Variants in SEPTIN7 observed in about 807,000 individuals in gnomAD.
SEPTIN7 encodes septin 7, also known as septin-7.
In SEPTIN7, 10 loss-of-function variants were observed where a neutral mutation model predicts 63.3. That is an observed-to-expected ratio of 0.16 (90% CI 0.10 to 0.27). The LOEUF (loss-of-function observed/expected upper bound fraction) is 0.27, where lower values mean the gene tolerates loss of function less well. Among genes scored for constraint, SEPTIN7 ranks in the 10% least tolerant of loss-of-function variants. The pLI, the probability that SEPTIN7 is intolerant of heterozygous loss-of-function variation, is 1.00. For missense variants in SEPTIN7, 310 were observed against 521.0 expected (o/e 0.59, Z 3.94); for synonymous variants, 131 against 165.3 (o/e 0.79, Z 1.59).
intron 3 of SEPTIN7, among the ~76,000 whole-genome samples, chr7:35,861,753 T>G (rs2116139751): frequency 6.6e-6 from 1 of 152,292 alleles, no homozygotes; most frequent in African/African-American, 2.4e-5. Flanking sequence ...GAATCAGTTC[T>G]TCTGGCAGAC....
chr7:35,801,367 C>T, intron 1 of SEPTIN7, 97 bp downstream of exon 1: 2 of 1,407,876 alleles, frequency 1.4e-6, no homozygotes, highest in Non-Finnish European at 1.9e-6. Context: ...CGCCCTGAGG[C>T]GAGGCGGAGG....
chr7:35,887,242 T>A (rs1443467542), intron 10 of SEPTIN7, among the ~76,000 whole-genome samples: 1 of 152,254 alleles, frequency 6.6e-6, no homozygotes, highest in African/African-American at 2.4e-5. Context: ...ACTTGCCTAG[T>A]GCTTGACACA....
At chr7:35,803,120 G>A (rs1291539332) in intron 1 of SEPTIN7, 10 of 948,160 alleles carry the variant, frequency 1.1e-5, no homozygotes, top group Non-Finnish European at 1.3e-5. Context: ...TAAAAAGAAA[G>A]GATATTGTCT....
intron 3 of SEPTIN7, among the ~76,000 whole-genome samples, chr7:35,849,363 A>G (rs1293338414): frequency 1.3e-5 from 2 of 152,074 alleles, no homozygotes; most frequent in Admixed American, 1.3e-4. Flanking sequence ...CAGGCATTAT[A>G]TTCTTATAAG....
At position 35,873,792 on chromosome 7, in the gene SEPTIN7, T is replaced by A. The variant is rs771019996; in HGVS notation, c.512+17T>A. 1.9e-6 allele frequency: 3 copies of A among 1,604,680 alleles called. No individual in the cohort carries two copies. In the Admixed American group the frequency reaches 5.1e-5, roughly 27 times the overall value. On this transcript the variant is annotated intron_variant, in intron 6 of 13. Coordinates refer to ENST00000350320, the MANE Select transcript of SEPTIN7 (RefSeq NM_001788.6). ...AGGACATGGGTCAGTACCTTGATAC[T>A]TCTGATTCCTTTTTTGTTGTTGTTG...
intron 3 of SEPTIN7, among the ~76,000 whole-genome samples, chr7:35,858,099 G>T (rs575595580): frequency 6.6e-6 from 1 of 151,744 alleles, no homozygotes; most frequent in African/African-American, 2.4e-5. Context: ...TGTGCCACCG[G>T]GACAGGGTAA....
chr7:35,913,524 TTTCTTTCCTTCCTTCC>T, the SEPTIN7 span, among the ~76,000 whole-genome samples: 8 of 148,644 alleles, frequency 5.4e-5, no homozygotes, highest in South Asian at 1.5e-3. Flanking sequence ...TCCTTCCTTC[TTTCTTTCCTTCCTTCC>T]TTCTTTCCTT....
chr7:35,911,858 A>G (rs1788748178), downstream of SEPTIN7, among the ~76,000 whole-genome samples: 1 of 152,218 alleles, frequency 6.6e-6, no homozygotes, highest in Non-Finnish European at 1.5e-5. Context: ...AGAATATTTA[A>G]AGCATCCCAG....
intron 4 of SEPTIN7, among the ~76,000 whole-genome samples, chr7:35,864,256 T>A (rs1300447101): frequency 6.6e-6 from 1 of 152,176 alleles, no homozygotes; most frequent in African/African-American, 2.4e-5. Flanking sequence ...TTACTAGTTC[T>A]CAGTCTTTGC....
chr7:35,859,717 G>A (rs1316828891), intron 3 of SEPTIN7, among the ~76,000 whole-genome samples: 2 of 152,154 alleles, frequency 1.3e-5, no homozygotes, highest in African/African-American at 2.4e-5. Flanking sequence ...TTGGCAAAGT[G>A]ACCCATTTAT....
intron 10 of SEPTIN7, among the ~76,000 whole-genome samples, chr7:35,888,305 A>C (rs1787398071): frequency 6.6e-6 from 1 of 152,222 alleles, no homozygotes; most frequent in Non-Finnish European, 1.5e-5. Flanking sequence ...AACCTGAAAA[A>C]ATCAGAATTA....
chr7:35,803,922 C>T (rs1393645531), intron 1 of SEPTIN7, among the ~76,000 whole-genome samples: 4 of 152,120 alleles, frequency 2.6e-5, no homozygotes, highest in African/African-American at 9.7e-5. Context: ...GGTTGTGACC[C>T]ATTAGTGGAC....
At chr7:35,903,520 G>A (rs1788443726) in intron 13 of SEPTIN7, among the ~76,000 whole-genome samples, 1 of 152,068 alleles carries the variant, frequency 6.6e-6, no homozygotes, top group South Asian at 2.1e-4. Flanking sequence ...CCAGTTGTTG[G>A]ACATAAGGGT....
intron 11 of SEPTIN7, 85 bp downstream of exon 11, chr7:35,890,878 C>T (rs1583635513): frequency 8.4e-7 from 1 of 1,184,734 alleles, no homozygotes; most frequent in Non-Finnish European, 1.1e-6. Context: ...TTTCTTCTGG[C>T]TACTCAGTAG....
chr7:35,815,705 T>A (rs756302234), intron 1 of SEPTIN7, among the ~76,000 whole-genome samples: 1 of 152,226 alleles, frequency 6.6e-6, no homozygotes, highest in African/African-American at 2.4e-5. Flanking sequence ...AATACTTTTT[T>A]CCAAAGTTAG....
At chr7:35,843,487 A>G (rs1005030709) in intron 3 of SEPTIN7, among the ~76,000 whole-genome samples, 6 of 152,226 alleles carry the variant, frequency 3.9e-5, no homozygotes, top group African/African-American at 1.4e-4. Flanking sequence ...AGGAAGAAAT[A>G]TGGAAAAGAT....
At chr7:35,900,764 T>C (rs1220075592) in intron 12 of SEPTIN7, 3 of 152,210 alleles carry the variant, frequency 2.0e-5, no homozygotes, top group African/African-American at 7.2e-5. Context: ...TTTGGGAATT[T>C]TAATGATTAC....
At chr7:35,902,131 A>C (rs1397505926) in intron 12 of SEPTIN7, 1 of 151,424 alleles carries the variant, frequency 6.6e-6, no homozygotes, top group Non-Finnish European at 1.5e-5. Context: ...GTAACAGAAC[A>C]TAATTCCTGG....
chr7:35,908,661 C>T (rs1361596036), downstream of SEPTIN7, among the ~76,000 whole-genome samples: 9 of 152,196 alleles, frequency 5.9e-5, no homozygotes. Context: ...GGTAGTCAGA[C>T]ACTACCAACA....
Sources: gnomAD v4.1 joint callset for allele counts (sites outside exome capture counted in the v4.1 genomes callset) on GRCh38, gnomAD v4.1.1 for gene constraint, MANE v1.5 for transcripts, NCBI Gene and HGNC (gene_info 2026-07-23, HGNC 2026-07-21) for gene names.